Variants in HEMK2 observed in about 807,000 individuals in gnomAD.
HEMK2 encodes methyltransferase HEMK2.
chr21:28,791,585 A>T, the HEMK2 span, among the ~76,000 whole-genome samples: 1 of 152,178 alleles, frequency 6.6e-6, no homozygotes, highest in Non-Finnish European at 1.5e-5. Flanking sequence ...TTAATGTTTA[A>T]TAGAAACATA....
At chr21:28,702,585 A>G in the HEMK2 span, among the ~76,000 whole-genome samples, 1 of 152,328 alleles carries the variant, frequency 6.6e-6, no homozygotes, top group Non-Finnish European at 1.5e-5. Flanking sequence ...TCATTAGAGA[A>G]ATGCAAATCA....
chr21:28,854,265 A>AT, the HEMK2 span, among the ~76,000 whole-genome samples: 5 of 152,204 alleles, frequency 3.3e-5, no homozygotes, highest in African/African-American at 1.2e-4. Flanking sequence ...TTTATTTTGC[A>AT]TAACTTTCTA....
At chr21:28,686,337 C>A in the HEMK2 span, among the ~76,000 whole-genome samples, 1 of 152,060 alleles carries the variant, frequency 6.6e-6, no homozygotes, top group Non-Finnish European at 1.5e-5. Context: ...CAGGTTCAAG[C>A]GACTCTCCTG....
chr21:28,717,110 T>A, the HEMK2 span, among the ~76,000 whole-genome samples: 1 of 152,190 alleles, frequency 6.6e-6, no homozygotes, highest in Non-Finnish European at 1.5e-5. Context: ...CAGATTCTGC[T>A]ATCAGGATGA....
At chr21:28,601,987 CA>C in the HEMK2 span, among the ~76,000 whole-genome samples, 1 of 152,194 alleles carries the variant, frequency 6.6e-6, no homozygotes, top group African/African-American at 2.4e-5. Context: ...GTGAATTATG[CA>C]ATGCTTCAAC....
the HEMK2 span, among the ~76,000 whole-genome samples, chr21:28,583,405 C>T: frequency 3.9e-5 from 6 of 152,210 alleles, no homozygotes; most frequent in African/African-American, 1.4e-4. Flanking sequence ...GAATTCTGTC[C>T]TCTCTTTATC....
chr21:28,831,518 A>AGAAAGAAG, the HEMK2 span, among the ~76,000 whole-genome samples: 116 of 76,692 alleles, frequency 1.5e-3, 3 homozygotes, highest in East Asian at 4.2e-3. Flanking sequence ...AAAGAAAGAA[A>AGAAAGAAG]GAAAGAAGGA....
the HEMK2 span, among the ~76,000 whole-genome samples, chr21:28,644,143 T>C: frequency 6.6e-6 from 1 of 152,164 alleles, no homozygotes; most frequent in Non-Finnish European, 1.5e-5. Flanking sequence ...TGACCCACAG[T>C]TCCACATGGC....
chr21:28,598,842 GA>G, the HEMK2 span, among the ~76,000 whole-genome samples: 71 of 152,138 alleles, frequency 4.7e-4, 1 homozygote, highest in Admixed American at 1.3e-4. Context: ...CAGAGTTACA[GA>G]AAAAAATGCC....
the HEMK2 span, among the ~76,000 whole-genome samples, chr21:28,580,490 C>G: frequency 6.6e-6 from 1 of 152,004 alleles, no homozygotes; most frequent in Non-Finnish European, 1.5e-5. Context: ...ACAATATTCC[C>G]TGGCTTCTGG....
the HEMK2 span, among the ~76,000 whole-genome samples, chr21:28,768,444 C>T: frequency 6.6e-6 from 1 of 152,082 alleles, no homozygotes; most frequent in Non-Finnish European, 1.5e-5. Context: ...GTGAGTGTTC[C>T]CGTATGGAAA....
chr21:28,876,130 T>C, the HEMK2 span: 8 of 270,154 alleles, frequency 3.0e-5, no homozygotes, highest in African/African-American at 1.8e-4. Context: ...TTCCATTGCC[T>C]TACCACATAA....
chr21:28,784,829 G>A, the HEMK2 span, among the ~76,000 whole-genome samples: 1 of 152,226 alleles, frequency 6.6e-6, no homozygotes, highest in Non-Finnish European at 1.5e-5. Context: ...CCAGAGCCAG[G>A]AGTGGCAACC....
At chr21:28,860,462 T>C in the HEMK2 span, among the ~76,000 whole-genome samples, 1 of 148,688 alleles carries the variant, frequency 6.7e-6, no homozygotes, top group East Asian at 1.9e-4. Flanking sequence ...ACAAAATATA[T>C]ATATATAACA....
At chr21:28,831,546 A>AGAAG in the HEMK2 span, among the ~76,000 whole-genome samples, 16 of 79,398 alleles carry the variant, frequency 2.0e-4, no homozygotes, top group Non-Finnish European at 2.5e-4. Context: ...AAAGAAGGAA[A>AGAAG]GAAGGAAAGA....
chr21:28,651,497 C>A, the HEMK2 span, among the ~76,000 whole-genome samples: 319 of 152,278 alleles, frequency 2.1e-3, 1 homozygote, highest in African/African-American at 7.2e-3. Flanking sequence ...TATTTCACTT[C>A]TAAACATTGT....
chr21:28,882,958 A>C, the HEMK2 span: 1 of 1,413,002 alleles, frequency 7.1e-7, no homozygotes, highest in Non-Finnish European at 9.8e-7. Context: ...TGTCAGTGGA[A>C]GATCTAGATG....
At chr21:28,771,521 C>CCCG in the HEMK2 span, among the ~76,000 whole-genome samples, 2 of 131,474 alleles carry the variant, frequency 1.5e-5, no homozygotes, top group Admixed American at 1.5e-4. Context: ...ATGCACCACC[C>CCCG]CCCCCCGCCA....
chr21:28,764,887 G>T, the HEMK2 span, among the ~76,000 whole-genome samples: 3 of 122,036 alleles, frequency 2.5e-5, no homozygotes, highest in South Asian at 4.8e-4. Context: ...TTTCAGTATT[G>T]CTAACTGTCA....
Sources: allele counts gnomAD v4.1 joint callset (sites outside exome capture counted in the v4.1 genomes callset), GRCh38; gene constraint gnomAD v4.1.1; transcripts MANE v1.5; gene names NCBI Gene and HGNC (gene_info 2026-07-23, HGNC 2026-07-21).